ECT2L: variants seen among roughly 807,000 people sequenced by gnomAD.
ECT2L encodes epithelial cell-transforming sequence 2 oncogene-like.
Under a neutral mutation model 122.8 loss-of-function variants are expected in ECT2L, and 126 were observed. The ratio of observed to expected loss-of-function variants is 1.03; its 90% CI spans 0.89 to 1.19. ECT2L has a LOEUF of 1.19. Ranked by LOEUF, ECT2L falls within the 50% of genes most tolerant of loss-of-function variation. The pLI, the probability that ECT2L is intolerant of heterozygous loss-of-function variation, is 0.00. For missense variants in ECT2L, 1,012 were observed against 1,064.1 expected, an observed-to-expected ratio of 0.95 and a Z score of 0.68; for synonymous variants, 385 against 381.8, an observed-to-expected ratio of 1.01 and a Z score of -0.10.
At chr6:138,824,559 A>AT (rs112137017) in intron 4 of ECT2L, among the ~76,000 whole-genome samples, 1 of 10,874 alleles carries the variant, frequency 9.2e-5, no homozygotes, top group Non-Finnish European at 1.4e-4. Flanking sequence ...AAAAAACTAT[A>AT]AAAAAAAACA....
intron 13 of ECT2L, among the ~76,000 whole-genome samples, chr6:138,868,910 T>C (rs186101941): frequency 9.2e-5 from 14 of 152,324 alleles, no homozygotes; most frequent in Admixed American, 5.2e-4. Context: ...CTTATGCCTG[T>C]AATCCCAGCA....
chr6:138,877,277 G>GA, intron 14 of ECT2L, among the ~76,000 whole-genome samples: 1 of 152,308 alleles, frequency 6.6e-6, no homozygotes, highest in East Asian at 1.9e-4. Context: ...CCTGGCTGCA[G>GA]ACAGTGCAGG....
At chr6:138,835,551 CA>C (rs34328066) in intron 4 of ECT2L, among the ~76,000 whole-genome samples, 41,723 of 117,720 alleles carry the variant, frequency 0.35, 6,110 homozygotes, top group Middle Eastern at 0.5. Context: ...GGCCCTGTCT[CA>C]AAAAAAAAAA....
chr6:138,882,190 C>T (rs887578911), intron 15 of ECT2L, among the ~76,000 whole-genome samples: 3 of 152,122 alleles, frequency 2.0e-5, no homozygotes, highest in Non-Finnish European at 2.9e-5. Flanking sequence ...TATGTCCTTC[C>T]CTGAAGGTAA....
chr6:138,834,894 T>TACACACACACACACAC (rs544584441), intron 4 of ECT2L, among the ~76,000 whole-genome samples: 3 of 137,420 alleles, frequency 2.2e-5, no homozygotes, highest in East Asian at 2.2e-4. Flanking sequence ...TGCCCCCGTT[T>TACACACACACACACAC]ACACACACAC....
At chr6:138,871,759 C>T (rs1396339395) in intron 13 of ECT2L, among the ~76,000 whole-genome samples, 1 of 151,926 alleles carries the variant, frequency 6.6e-6, no homozygotes, top group Non-Finnish European at 1.5e-5. Flanking sequence ...GAGCCAAGAT[C>T]GCGCCATTGC....
At chr6:138,890,021 G>C (rs905820630) in intron 20 of ECT2L, among the ~76,000 whole-genome samples, 3 of 152,080 alleles carry the variant, frequency 2.0e-5, no homozygotes, top group Non-Finnish European at 4.4e-5. Flanking sequence ...AGATATAAAT[G>C]AACAAACATG....
chr6:138,850,994 C>CAAAAAAA (rs34453938), intron 9 of ECT2L, among the ~76,000 whole-genome samples: 95 of 57,752 alleles, frequency 1.6e-3, no homozygotes, highest in African/African-American at 2.1e-3. Flanking sequence ...AACTCCATCT[C>CAAAAAAA]AAAAAAAAAA....
At chr6:138,851,888 T>C (rs1035660400) in intron 9 of ECT2L, among the ~76,000 whole-genome samples, 1 of 152,224 alleles carries the variant, frequency 6.6e-6, no homozygotes, top group African/African-American at 2.4e-5. Context: ...ACAACATTTA[T>C]TATATTCCTA....
intron 13 of ECT2L, 78 bp from the exon 14 acceptor site, chr6:138,876,394 C>A: frequency 1.1e-6 from 1 of 931,942 alleles, no homozygotes. Context: ...CTTCTGAGGG[C>A]CTCCTGCGGG....
At chr6:138,873,872 C>CTGTG (rs57839466) in intron 13 of ECT2L, among the ~76,000 whole-genome samples, 2,398 of 71,308 alleles carry the variant, frequency 0.034, 32 homozygotes, top group South Asian at 0.08. Context: ...AAATCCAGGA[C>CTGTG]TGTGTGTGTG....
At chr6:138,869,004 T>TA (rs1335859962) in intron 13 of ECT2L, among the ~76,000 whole-genome samples, 1 of 152,088 alleles carries the variant, frequency 6.6e-6, no homozygotes, top group African/African-American at 2.4e-5. Flanking sequence ...CCGTCTCTAC[T>TA]AAAAATACAA....
At chr6:138,862,550 G>A (rs1027804866) in intron 10 of ECT2L, 77 bp from the exon 11 acceptor site, 5 of 1,389,162 alleles carry the variant, frequency 3.6e-6, no homozygotes, top group Non-Finnish European at 2.0e-6. Context: ...GATTTGGAGG[G>A]AACAAATATC....
chr6:138,798,097 G>A (rs999987412), intron 1 of ECT2L, among the ~76,000 whole-genome samples: 4 of 152,168 alleles, frequency 2.6e-5, no homozygotes, highest in African/African-American at 4.8e-5. Context: ...AAGGTATGTG[G>A]GCAAGGGTGT....
At chr6:138,853,968 A>G (rs1056671632) in intron 9 of ECT2L, 58 bp from the exon 10 acceptor site, 129 of 1,557,018 alleles carry the variant, frequency 8.3e-5, no homozygotes, top group Non-Finnish European at 1.1e-4. Context: ...AGCTGCTAAT[A>G]ATTTCTGTTC....
At chr6:138,889,131 A>G in intron 20 of ECT2L, 100 bp downstream of exon 20, 1 of 494,318 alleles carries the variant, frequency 2.0e-6, no homozygotes, top group East Asian at 3.5e-5. Flanking sequence ...TGTCTGACAC[A>G]GTAGGTTTGA....
At chr6:138,844,272 G>C in intron 6 of ECT2L, 140 bp from the exon 7 acceptor site, 1 of 922,066 alleles carries the variant, frequency 1.1e-6, no homozygotes, top group South Asian at 1.9e-5. Context: ...AATCCAAACC[G>C]AGTGCATGAA....
intron 1 of ECT2L, among the ~76,000 whole-genome samples, chr6:138,802,969 A>T (rs1775593091): frequency 6.6e-6 from 1 of 152,054 alleles, no homozygotes; most frequent in Admixed American, 6.6e-5. Flanking sequence ...CCAGCTACTC[A>T]GGAAGCTGAG....
intron 13 of ECT2L, among the ~76,000 whole-genome samples, chr6:138,875,142 T>C (rs1031586224): frequency 4.6e-5 from 7 of 152,184 alleles, no homozygotes; most frequent in Non-Finnish European, 8.8e-5. Context: ...TAAGTATGGA[T>C]ACATGCCAGG....
Sources: allele counts gnomAD v4.1 joint callset (sites outside exome capture counted in the v4.1 genomes callset), GRCh38; gene constraint gnomAD v4.1.1; transcripts MANE v1.5; gene names NCBI Gene and HGNC (gene_info 2026-07-23, HGNC 2026-07-21).